P2RX2: variants seen among roughly 807,000 people sequenced by gnomAD.
P2RX2 encodes the protein purinergic receptor P2X 2.
P2RX2 carries 50 observed loss-of-function variants against 54.8 expected under a neutral mutation model. The ratio of observed to expected loss-of-function variants is 0.91; its 90% CI spans 0.73 to 1.15. P2RX2 has a LOEUF of 1.15. Ranked by LOEUF, P2RX2 falls within the 50% of genes most tolerant of loss-of-function variation. P2RX2 has a pLI of 0.00. For missense variants in P2RX2, 658 were observed against 633.2 expected, an observed-to-expected ratio of 1.04 and a Z score of -0.42; for synonymous variants, 289 against 259.4, an observed-to-expected ratio of 1.11 and a Z score of -1.09.
At chr12:132,619,364 G>T (rs1009170202) in intron 1 of P2RX2, 75 bp from the exon 2 acceptor site, 23 of 1,560,424 alleles carry the variant, frequency 1.5e-5, no homozygotes, top group Non-Finnish European at 2.6e-6. Flanking sequence ...TCGCGGGAGG[G>T]CCCCTGCCGT....
In P2RX2 at chr12:132,620,511, C is replaced by T. The variant is rs201496943; in HGVS notation, c.702C>T (p.Leu234=). ...KRCTFHEASD[L]YCPIFKLGFI... is the part of the protein sequence containing the mutation. The stretch of plus-strand genomic sequence containing the variant: ...GCACGTTCCACGAGGCCTCCGACCT[C>T]TACTGCCCCATCTTCAAGCTGGGCT... The change falls in exon 7 of 11, where the codon CTC becomes CTT. Residue 234 remains leucine (L), a synonymous_variant. Coordinates refer to ENST00000643471, the MANE Select transcript of P2RX2 (RefSeq NM_170682.4). The T allele has an allele frequency of 2.5e-6, 4 of 1,614,032 alleles. No homozygotes were observed. The highest frequency in any genetic ancestry group is 2.7e-5 in the African/African-American group (2 of 75,052).
Position 132,621,669 on chromosome 12 carries a change from G to A in P2RX2, c.1113G>A (p.Lys371=). The change falls in exon 11 of 11, where the codon AAG becomes AAA. Residue 371 remains lysine, a synonymous_variant. Coordinates refer to ENST00000643471, the MANE Select transcript of P2RX2 (RefSeq NM_170682.4). ...WILLTFMNKN[K]VYSHKKFDKV... ...TGCTAACATTCATGAACAAAAACAA[G>A]GTCTACAGCCATAAGAAATTTGACA... The A allele has an allele frequency of 2.5e-6, 4 of 1,613,814 alleles. No individual in the cohort carries two copies. The highest frequency in any genetic ancestry group is 3.3e-4 in the Middle Eastern group (2 of 6,058).
Position 132,621,353 on chromosome 12 carries a change from C to T in P2RX2, c.996+8C>T, listed in dbSNP as rs748397443. 14 of 1,613,880 alleles carry T rather than the reference C, an allele frequency of 8.7e-6. No homozygotes were observed. Among genetic ancestry groups the T allele is most frequent in the Admixed American group, 1.7e-5 (1 of 60,012 alleles). ...GTCATTGTGCATGGACAGGTGCCTG[C>T]ACCTGCTGGGGGTGGGTGGCCAGCC... On this transcript the variant is annotated splice_region_variant and intron_variant, in intron 9 of 10. Coordinates refer to ENST00000643471, the MANE Select transcript of P2RX2 (RefSeq NM_170682.4).
Position 132,621,308 on chromosome 12 carries a change from C to G in P2RX2, c.959C>G (p.Ala320Gly), listed in dbSNP as rs1256881029. The change falls in exon 9 of 11, where the codon GCC (alanine) becomes GGC (glycine). Residue 320 changes from alanine (A) to glycine (G), a missense_variant. Coordinates refer to ENST00000643471, the MANE Select transcript of P2RX2 (RefSeq NM_170682.4). ...ACCACCACCCGCACGCTCATCAAGG[C>G]CTACGGGATCCGCATTGACGTCATT... ...NGTTTRTLIK[A>G]YGIRIDVIVH... The G allele has an allele frequency of 6.2e-7, 1 of 1,614,040 alleles. No individual in the cohort carries two copies. The highest frequency in any genetic ancestry group is 1.1e-5 in the South Asian group (1 of 91,084).
In P2RX2 at chr12:132,621,828, A is replaced by T. The variant is rs1441268023; in HGVS notation, c.1272A>T (p.Gln424His). The change falls in exon 11 of 11, where the codon CAA becomes CAT. Residue 424 changes from glutamine (Q) to histidine (H), a missense_variant. Gln to His is a conservative substitution (Grantham distance 24, BLOSUM62 0). Transcript: ENST00000643471. ...HPSPPSGQEG[Q>H]QGAECGPAFP... ...GCCCTCCATCAGGCCAGGAGGGCCA[A>T]CAAGGGGCAGAGTGTGGCCCAGCCT... 2 of 1,610,902 alleles carry T rather than the reference A, an allele frequency of 1.2e-6. No homozygotes were observed. The highest frequency in any genetic ancestry group is 2.7e-5 in the African/African-American group (2 of 74,892).
At position 132,620,447 on chromosome 12, in the gene P2RX2, G is replaced by A. The variant is rs201108603; in HGVS notation, c.638G>A (p.Gly213Asp). The change falls in exon 7 of 11, where the codon GGC becomes GAC. Residue 213 changes from glycine to aspartate, a missense_variant and splice_region_variant. By Grantham distance (94) the Gly-to-Asp change is moderately conservative (BLOSUM62 -1). Transcript: ENST00000643471. ...IHYPKFHFSK[G>D]NIADRTDGYL... is the part of the protein sequence containing the mutation. ...CTCGCCTCCTGCCGCCTCCTCAGGG[G>A]CAACATCGCCGACCGCACAGACGGG... is the stretch of plus-strand genomic sequence containing the variant. The A allele has an allele frequency of 4.2e-5, 68 of 1,614,048 alleles. No homozygotes were observed. The highest frequency in any genetic ancestry group is 5.3e-5 in the African/African-American group (4 of 75,058).
chr12:132,622,285 G>C lies in P2RX2; in HGVS notation c.*313G>C. Reference sequence around the variant, plus strand: ...CTCTGCTCCCGGTCTTGGGCCCTGGGAACCCCACCCCACCCCACCCCACAG... The same window carrying C: ...CTCTGCTCCCGGTCTTGGGCCCTGGCAACCCCACCCCACCCCACCCCACAG... On this transcript the variant is annotated 3_prime_UTR_variant, in exon 11 of 11. Transcript: ENST00000643471. 2 of 1,252,570 alleles carry C rather than the reference G, an allele frequency of 1.6e-6. No homozygotes were observed. Among genetic ancestry groups the C allele is most frequent in the Non-Finnish European group, 2.0e-6 (2 of 983,032 alleles). The allele number at this position is 1,252,570 out of a possible 1,614,324, so 77.6% of individuals were successfully genotyped here.
chr12:132,620,198 G>A (rs2041594854), intron 5 of P2RX2, 69 bp from the exon 6 acceptor site: 7 of 1,518,696 alleles, frequency 4.6e-6, no homozygotes, highest in Non-Finnish European at 6.4e-6. Flanking sequence ...CTGGGGAGGG[G>A]TGGGGGCCAA....
rs147592928 is a variant in P2RX2, at chr12:132,621,320, G to A, written c.971G>A (p.Arg324His). 2.0e-5 allele frequency: 33 copies of A among 1,614,032 alleles called. No individual in the cohort carries two copies. In the African/African-American group the frequency reaches 2.8e-4, roughly 14 times the overall value. ...TRTLIKAYGI[R>H]IDVIVHGQAG... ...ACGCTCATCAAGGCCTACGGGATCC[G>A]CATTGACGTCATTGTGCATGGACAG... The change falls in exon 9 of 11, where the codon CGC becomes CAC. Residue 324 changes from arginine to histidine, a missense_variant. Arg to His is a conservative substitution (Grantham distance 29, BLOSUM62 0). Coordinates refer to ENST00000643471, the MANE Select transcript of P2RX2 (RefSeq NM_170682.4).
At position 132,621,913 on chromosome 12, in the gene P2RX2, G is replaced by T; in HGVS notation, c.1357G>T (p.Ala453Ser). 5 of 1,613,694 alleles carry T rather than the reference G, an allele frequency of 3.1e-6. No individual in the cohort carries two copies. Among genetic ancestry groups the T allele is most frequent in the Non-Finnish European group, 4.2e-6 (5 of 1,180,008 alleles). ...TTCTGAGCAGATGGTGGACACTCCT[G>T]CCTCCGAGCCTGCCCAAGCCTCCAC... ...APSEQMVDTP[A>S]SEPAQASTPT... The change falls in exon 11 of 11, where the codon GCC becomes TCC. Residue 453 changes from alanine (A) to serine (S), a missense_variant. By Grantham distance (99) the Ala-to-Ser change is moderately conservative. Transcript: ENST00000643471.
rs772221200 is a variant in P2RX2 at position 132,621,782 on chromosome 12, G to A, written c.1226G>A (p.Arg409His). 2.6e-5 allele frequency: 42 copies of A among 1,600,198 alleles called. No homozygotes were observed. Among genetic ancestry groups the A allele is most frequent in the Admixed American group, 8.5e-5 (5 of 59,146 alleles). Residue 409 changes from arginine (R) to histidine (H), a missense_variant, in exon 11 of 11, where the codon CGC (arginine) becomes CAC (histidine). Transcript: ENST00000643471. Reference sequence around the variant, plus strand: ...CAGGCCCCTCCCGAACCCGGCCACCGCTCCGAGGACCAGCACCCCAGCCCT... The same window carrying A: ...CAGGCCCCTCCCGAACCCGGCCACCACTCCGAGGACCAGCACCCCAGCCCT... ...LGQAPPEPGH[R>H]SEDQHPSPPS...
chr12:132,620,424 C>A, intron 6 of P2RX2, 21 bp from the exon 7 acceptor site: 2 of 1,614,072 alleles, frequency 1.2e-6, no homozygotes, highest in Non-Finnish European at 1.7e-6. Flanking sequence ...GTGCAGGTCT[C>A]GCCTCCTGCC....
chr12:132,619,016 C>G, intron 1 of P2RX2, 27 bp downstream of exon 1: 3 of 978,564 alleles, frequency 3.1e-6, no homozygotes, highest in Non-Finnish European at 3.9e-6. Flanking sequence ...GTGCGGGGCG[C>G]GGGGTGCGGG....
chr12:132,620,662 C>T, intron 7 of P2RX2, 79 bp downstream of exon 7: 1 of 1,447,036 alleles, frequency 6.9e-7, no homozygotes, highest in Non-Finnish European at 9.5e-7. Flanking sequence ...GGGGACCAGT[C>T]CCTCCTCCCT....
chr12:132,621,416 TC>T, intron 9 of P2RX2, 58 bp from the exon 10 acceptor site: 12 of 1,601,300 alleles, frequency 7.5e-6, no homozygotes, highest in Non-Finnish European at 9.4e-6. Flanking sequence ...GCCCCACCCC[TC>T]CCTTAAGCCC....
At chr12:132,621,181 T>C (rs2041659672) in intron 8 of P2RX2, 50 bp downstream of exon 8, 1 of 1,613,800 alleles carries the variant, frequency 6.2e-7, no homozygotes, top group Non-Finnish European at 8.5e-7. Context: ...TGTGGTGGGG[T>C]CCCGAGAGGC....
rs1270401585 is a variant in P2RX2, at chr12:132,619,538, AGT to A, written c.277_278del (p.Trp93GlyfsTer178). 2.5e-6 allele frequency: 4 copies of A among 1,611,850 alleles called. No homozygotes were observed. Among genetic ancestry groups the A allele is most frequent in the Non-Finnish European group, 2.5e-6 (3 of 1,179,212 alleles). On this transcript the variant is annotated frameshift_variant, in exon 2 of 11. Transcript: ENST00000643471. LOFTEE classifies it high-confidence loss of function. ...AGGGGATCACCACGTCCGAGCACAA[AGT>A]GTGGGACGTGGAGGAGTACGTGAAG... ...VKGITTSEHKVWDVEEYVKPP... is the reference protein window; with the variant it reads ...VKGITTSEHKXWDVEEYVKPP...
At position 132,619,005 on chromosome 12, in the gene P2RX2, G is replaced by T. The variant is rs1566289229; in HGVS notation, c.173+16G>T. On this transcript the variant is annotated intron_variant, in intron 1 of 10. Transcript: ENST00000643471. ...ACTTCGTGTGGTGCGCGGGGCGCGG[G>T]GTGCGGGGCGCGGGGTGCGGGGCGC... The T allele has an allele frequency of 5.1e-6, 1 of 197,260 alleles. No individual in the cohort carries two copies. The highest frequency in any genetic ancestry group is 5.9e-6 in the Non-Finnish European group (1 of 168,104). The allele number at this position is 197,260 out of a possible 1,614,324, so 12.2% of individuals were successfully genotyped here.
In P2RX2 at chr12:132,618,876, C is replaced by A; in HGVS notation, c.60C>A (p.Gly20=). 4 of 1,378,360 alleles carry A rather than the reference C, an allele frequency of 2.9e-6. No individual in the cohort carries two copies. The highest frequency in any genetic ancestry group is 3.8e-6 in the Non-Finnish European group (4 of 1,058,386). 85.4% of individuals were successfully genotyped at this position (1,378,360 alleles called of 1,614,324 possible). ...AGATARRLAR[G]CWSALWDYET... ...CGACCGCCCGGCGCCTGGCCCGGGGCTGCTGGTCCGCCCTCTGGGACTACG... is the reference window on the plus strand; with the variant it reads ...CGACCGCCCGGCGCCTGGCCCGGGGATGCTGGTCCGCCCTCTGGGACTACG... The change falls in exon 1 of 11, where the codon GGC becomes GGA. Residue 20 remains glycine, a synonymous_variant. Transcript: ENST00000643471.
Sources: allele counts gnomAD v4.1 joint callset, GRCh38; gene constraint gnomAD v4.1.1; transcripts MANE v1.5; gene names NCBI Gene and HGNC (gene_info 2026-07-23, HGNC 2026-07-21).